MYCBP2: variants seen among roughly 807,000 people sequenced by gnomAD.
MYCBP2 encodes E3 ubiquitin-protein ligase MYCBP2.
Under a neutral mutation model 525.3 loss-of-function variants are expected in MYCBP2, and 120 were observed. That is an observed-to-expected ratio of 0.23 (90% confidence interval 0.20 to 0.27). MYCBP2 has a LOEUF of 0.27. Among genes scored for constraint, MYCBP2 ranks in the 10% least tolerant of loss-of-function variants. The pLI, the probability that MYCBP2 is intolerant of heterozygous loss-of-function variation, is 1.00. For synonymous variants in MYCBP2, 1,894 were observed against 1,955.8 expected, an observed-to-expected ratio of 0.97 and a Z score of 0.83; for missense variants, 4,149 against 5,657.1, an observed-to-expected ratio of 0.73 and a Z score of 8.55.
At chr13:77,112,848 T>C (rs1054315703) in intron 55 of MYCBP2, among the ~76,000 whole-genome samples, 2 of 152,216 alleles carry the variant, frequency 1.3e-5, no homozygotes, top group Admixed American at 6.6e-5. Flanking sequence ...AACCTTGATA[T>C]ACTTTTTTTT....
intron 23 of MYCBP2, among the ~76,000 whole-genome samples, chr13:77,210,196 T>A (rs1421989395): frequency 1.3e-5 from 2 of 151,708 alleles, no homozygotes; most frequent in Non-Finnish European, 2.9e-5. Context: ...CACAATAATT[T>A]TTTTTTCTTT....
At position 77,055,571 on chromosome 13, in the gene MYCBP2, T is replaced by A. The variant is rs1566298063; in HGVS notation, c.13634A>T (p.Tyr4545Phe). Residue 4545 changes from tyrosine (Y) to phenylalanine (F), a missense_variant, in exon 80 of 83, where the codon TAC (tyrosine) becomes TTC (phenylalanine). Transcript: ENST00000544440. ...TTTATAGCATACCTTTCTGCATTTG[T>A]AGCACACATAATATGCATATCTATT... ...AMNRYAYYVC[Y>F]KCRKAYFGGE... The A allele has an allele frequency of 1.2e-6, 2 of 1,613,540 alleles. No individual in the cohort carries two copies. The highest frequency in any genetic ancestry group is 8.5e-7 in the Non-Finnish European group (1 of 1,179,844).
intron 55 of MYCBP2, among the ~76,000 whole-genome samples, chr13:77,105,995 CTGA>C (rs2047793207): frequency 6.6e-6 from 1 of 152,076 alleles, no homozygotes. Flanking sequence ...TCTCTAAGTA[CTGA>C]TGATAATAAT....
chr13:77,326,240 G>GAC lies in MYCBP2; in HGVS notation c.302+232_302+233dup, dbSNP rs398023536. Among the ~76,000 whole-genome samples the GAC allele has an allele frequency of 0.13, 16,051 of 127,572 alleles. 1,093 individuals are homozygous for GAC. Among genetic ancestry groups the GAC allele is most frequent in the Admixed American group, 0.21 (2,630 of 12,688 alleles). 83.7% of individuals were successfully genotyped at this position (127,572 alleles called of 152,430 possible). ...CACTATCCCCCCACATAGGCAGGCA[G>GAC]ACACACACACACACACACACACACA... On this transcript the variant is annotated intron_variant, in intron 1 of 82. Coordinates refer to ENST00000544440, the MANE Select transcript of MYCBP2 (RefSeq NM_015057.5). The surrounding 1 kb of genome is among the most constrained non-coding windows in gnomAD (Gnocchi z 4.2).
chr13:77,047,024 TG>T (rs1003409905), intron 82 of MYCBP2, among the ~76,000 whole-genome samples: 26 of 152,094 alleles, frequency 1.7e-4, no homozygotes, highest in African/African-American at 6.0e-4. Context: ...AAGGAAAAAA[TG>T]AGTCATTTAC....
intron 55 of MYCBP2, among the ~76,000 whole-genome samples, chr13:77,112,586 C>T (rs2049020575): frequency 1.3e-5 from 2 of 151,678 alleles, no homozygotes; most frequent in South Asian, 4.2e-4. Context: ...TCACTATGCC[C>T]AGCTGATCTT....
intron 70 of MYCBP2, 134 bp downstream of exon 70, chr13:77,068,430 GC>G: frequency 2.1e-6 from 2 of 971,456 alleles, no homozygotes; most frequent in Non-Finnish European, 2.9e-6. Context: ...TAAAATACAG[GC>G]CCCAAACAAA....
chr13:77,169,193 G>T (rs1403460171), intron 39 of MYCBP2, among the ~76,000 whole-genome samples: 1 of 152,256 alleles, frequency 6.6e-6, no homozygotes, highest in South Asian at 2.1e-4. Context: ...CGGATCACGA[G>T]GTCAGGAGAT....
At chr13:77,252,547 T>G (rs866053654) in intron 14 of MYCBP2, among the ~76,000 whole-genome samples, 11 of 152,232 alleles carry the variant, frequency 7.2e-5, no homozygotes, top group Admixed American at 2.0e-4. Flanking sequence ...TTTTTATATT[T>G]GACTTTCCTA....
At chr13:77,071,776 T>G (rs560283261) in intron 68 of MYCBP2, among the ~76,000 whole-genome samples, 1 of 152,336 alleles carries the variant, frequency 6.6e-6, no homozygotes, top group East Asian at 1.9e-4. Context: ...AGTTCACATT[T>G]TTTTGAAGTG....
At chr13:77,263,436 C>G (rs2154339495) in intron 10 of MYCBP2, among the ~76,000 whole-genome samples, 1 of 151,904 alleles carries the variant, frequency 6.6e-6, no homozygotes, top group South Asian at 2.1e-4. Flanking sequence ...TAGTCAATTC[C>G]TTAGAATGGT....
chr13:77,308,802 C>G (rs540229952), intron 1 of MYCBP2, among the ~76,000 whole-genome samples: 1 of 152,194 alleles, frequency 6.6e-6, no homozygotes, highest in Non-Finnish European at 1.5e-5. Flanking sequence ...AGGGCCTGAA[C>G]CAGTGGAGAA....
At chr13:77,050,119 ATT>A (rs2154053309) in intron 82 of MYCBP2, among the ~76,000 whole-genome samples, 2 of 151,168 alleles carry the variant, frequency 1.3e-5, no homozygotes, top group South Asian at 4.2e-4. Flanking sequence ...AACCTTGTTT[ATT>A]TGCCCTTTTT....
intron 34 of MYCBP2, among the ~76,000 whole-genome samples, chr13:77,178,934 T>G (rs1236383564): frequency 6.6e-6 from 1 of 152,278 alleles, no homozygotes; most frequent in East Asian, 1.9e-4. Context: ...ATAGACTAAA[T>G]GAGTAAATGT....
intron 13 of MYCBP2, among the ~76,000 whole-genome samples, chr13:77,259,725 T>C (rs547059806): frequency 6.6e-6 from 1 of 152,374 alleles, no homozygotes; most frequent in East Asian, 1.9e-4. Context: ...TCATTAATTC[T>C]AGTTTCCTTT....
rs752684069 is a variant in MYCBP2, at chr13:77,156,131, C to T, written c.6842G>A (p.Cys2281Tyr). 6.2e-7 allele frequency: 1 copy of T among 1,614,032 alleles called. No homozygotes were observed. Among genetic ancestry groups the T allele is most frequent in the South Asian group, 1.1e-5 (1 of 91,070 alleles). The part of the protein sequence containing the change: ...SLILNKDDIR[C>Y]GWPTTITVQT... ...AACAGTTATGGTGGTAGGCCAACCA[C>T]AACGAATATCATCCTTATTCAGGAT... The change falls in exon 46 of 83, where the codon TGT becomes TAT. Residue 2281 changes from cysteine (C) to tyrosine (Y), a missense_variant. This residue lies in a region of MYCBP2 where 692 missense variants were observed against 852.7 expected (regional missense o/e 0.81). Transcript: ENST00000544440.
chr13:77,266,660 G>T (rs1158292089), intron 8 of MYCBP2, among the ~76,000 whole-genome samples: 1 of 146,840 alleles, frequency 6.8e-6, no homozygotes, highest in Admixed American at 6.9e-5. Flanking sequence ...TGGGGGGAGT[G>T]TGCATGTTAT....
intron 22 of MYCBP2, among the ~76,000 whole-genome samples, 164 bp downstream of exon 22, chr13:77,211,792 G>C (rs747270690): frequency 6.6e-6 from 1 of 152,124 alleles, no homozygotes. Flanking sequence ...TTTCAGCATA[G>C]AGACACATAT....
chr13:77,073,154 G>C (rs1482154308), intron 68 of MYCBP2, among the ~76,000 whole-genome samples: 1 of 148,128 alleles, frequency 6.8e-6, no homozygotes, highest in Non-Finnish European at 1.5e-5. Context: ...CCATCCCCTA[G>C]TTTTTTTTTT....
Sources: allele counts gnomAD v4.1 joint callset (sites outside exome capture counted in the v4.1 genomes callset), GRCh38; gene constraint gnomAD v4.1.1; regional missense constraint gnomAD v4.1.1; non-coding constraint Gnocchi (gnomAD v3.1); transcripts MANE v1.5; gene names NCBI Gene and HGNC (gene_info 2026-07-23, HGNC 2026-07-21).